Variants in BCL9 observed in about 807,000 individuals in gnomAD.
BCL9 encodes B-cell CLL/lymphoma 9 protein.
In BCL9, 25 loss-of-function variants were observed where a neutral mutation model predicts 88.5. The observed-to-expected ratio is 0.28, with a 90% CI of 0.21 to 0.39. The LOEUF is 0.39. Ranked by LOEUF, BCL9 falls within the 10% of genes least tolerant of loss-of-function variation. BCL9 has a pLI of 1.00. For missense variants in BCL9, 1,817 were observed against 1,877.8 expected (o/e 0.97, Z 0.60); for synonymous variants, 711 against 673.3 (o/e 1.06, Z -0.87).
At chr1:147,560,897 A>T (rs1158941067) in intron 1 of BCL9, among the ~76,000 whole-genome samples, 2 of 152,236 alleles carry the variant, frequency 1.3e-5, no homozygotes, top group Non-Finnish European at 2.9e-5. Context: ...CAACAGGGAC[A>T]CCTAGGTATC....
chr1:147,589,570 C>T (rs1306477206), intron 1 of BCL9, among the ~76,000 whole-genome samples: 12 of 152,194 alleles, frequency 7.9e-5, no homozygotes, highest in Non-Finnish European at 1.3e-4. Context: ...TAAATGAAAT[C>T]ATGCAATATG....
chr1:147,597,462 A>T (rs1210831613), intron 1 of BCL9, among the ~76,000 whole-genome samples: 1 of 152,210 alleles, frequency 6.6e-6, no homozygotes, highest in Non-Finnish European at 1.5e-5. Context: ...CATTTGGGTA[A>T]AAAAATGATT....
chr1:147,592,036 T>TAC (rs1293021524), intron 1 of BCL9, among the ~76,000 whole-genome samples: 2 of 152,194 alleles, frequency 1.3e-5, no homozygotes, highest in Non-Finnish European at 2.9e-5. Flanking sequence ...GCTTGACTGA[T>TAC]AAACTATAAC....
chr1:147,571,496 C>G (rs2101529788), intron 1 of BCL9, among the ~76,000 whole-genome samples: 1 of 152,250 alleles, frequency 6.6e-6, no homozygotes, highest in Non-Finnish European at 1.5e-5. Flanking sequence ...AGCAAAGCTC[C>G]TGGGTTGGGA....
At chr1:147,589,967 T>C (rs1384111206) in intron 1 of BCL9, among the ~76,000 whole-genome samples, 1 of 152,244 alleles carries the variant, frequency 6.6e-6, no homozygotes, top group Non-Finnish European at 1.5e-5. Context: ...TGCATGAAAG[T>C]GTTAGTTTCT....
At chr1:147,555,211 A>T (rs1211952105) in intron 1 of BCL9, among the ~76,000 whole-genome samples, 1 of 152,094 alleles carries the variant, frequency 6.6e-6, no homozygotes, top group African/African-American at 2.4e-5. Context: ...TAAAGAGTCA[A>T]ACTTATGCTA....
chr1:147,550,641 A>C (rs917120922), intron 1 of BCL9, among the ~76,000 whole-genome samples: 6 of 152,202 alleles, frequency 3.9e-5, no homozygotes, highest in Non-Finnish European at 8.8e-5. Context: ...GGATGAGGAT[A>C]AATAGAAGCA....
At chr1:147,587,768 G>GTGTT (rs1297214405) in intron 1 of BCL9, among the ~76,000 whole-genome samples, 1 of 125,546 alleles carries the variant, frequency 8.0e-6, no homozygotes, top group Non-Finnish European at 1.5e-5. Flanking sequence ...GTGTGTGTGT[G>GTGTT]TGTGTGTGTG....
intron 4 of BCL9, 44 bp from the exon 5 acceptor site, chr1:147,612,839 C>T (rs781869542): frequency 7.6e-6 from 12 of 1,571,968 alleles, no homozygotes; most frequent in Non-Finnish European, 1.0e-5. Context: ...TGCTGACCAG[C>T]TGTATCTGGT....
chr1:147,572,727 G>A (rs1269513270), intron 1 of BCL9, among the ~76,000 whole-genome samples: 3 of 152,156 alleles, frequency 2.0e-5, no homozygotes, highest in African/African-American at 4.8e-5. Context: ...CTACAGGTGC[G>A]TATCACCAAG....
rs972929502 is a variant in BCL9 at position 147,620,905 on chromosome 1, C to T, written c.2750C>T (p.Ser917Leu). ...CCTGTTTTGGGGTCTGCTGCTGCTTCACCTGTCCACCTCAAGTCTCCATCA... is the reference window on the plus strand; with the variant it reads ...CCTGTTTTGGGGTCTGCTGCTGCTTTACCTGTCCACCTCAAGTCTCCATCA... Reference protein sequence around the residue: ...SPPVLGSAAASPVHLKSPSLP... With the variant: ...SPPVLGSAAALPVHLKSPSLP... The change falls in exon 8 of 10, where the codon TCA (serine) becomes TTA (leucine). Residue 917 changes from serine to leucine, a missense_variant. Physicochemically the swap from Ser to Leu is moderately radical, Grantham distance 145 (BLOSUM62 -2). Around this residue, in one of 2 missense-constraint regions of BCL9, gnomAD observed 1,228 missense variants for 1,191.6 expected, o/e 1.03. Coordinates refer to ENST00000234739, the MANE Select transcript of BCL9 (RefSeq NM_004326.4). 1 of 1,614,196 alleles carries T rather than the reference C, an allele frequency of 6.2e-7. No individual in the cohort carries two copies. The highest frequency in any genetic ancestry group is 8.5e-7 in the Non-Finnish European group (1 of 1,180,022).
chr1:147,566,758 A>G (rs1004986191), intron 1 of BCL9, among the ~76,000 whole-genome samples: 1 of 300 alleles, frequency 3.3e-3, no homozygotes, highest in African/African-American at 0.014. Flanking sequence ...CGCTGTCTCA[A>G]AAAAAAAGAA....
rs183728054 is a variant in BCL9 at position 147,561,301 on chromosome 1, C to A, written c.-478+19627C>A. 9.9e-5 allele frequency among the ~76,000 whole-genome samples: 15 copies of A among 152,246 alleles called. No homozygotes were observed. In the East Asian group the frequency reaches 2.1e-3, roughly 22 times the overall value. On this transcript the variant is annotated intron_variant, in intron 1 of 9. Coordinates refer to ENST00000234739, the MANE Select transcript of BCL9 (RefSeq NM_004326.4). ...ACGGGGATTGAAGGACCATGGATAG[C>A]GGGGAGGCACAGACATGGAATCTAT...
chr1:147,602,256 G>A (rs1275532006), intron 1 of BCL9, among the ~76,000 whole-genome samples: 2 of 149,422 alleles, frequency 1.3e-5, no homozygotes, highest in Non-Finnish European at 3.0e-5. Context: ...GCCCAGGCTG[G>A]AGTGCAGTGG....
At chr1:147,602,708 A>G (rs782003380) in intron 1 of BCL9, among the ~76,000 whole-genome samples, 7 of 152,202 alleles carry the variant, frequency 4.6e-5, no homozygotes, top group Non-Finnish European at 7.3e-5. Flanking sequence ...AGATAAAAGA[A>G]CAATTTCCAT....
chr1:147,608,312 G>T (rs1008733101), intron 3 of BCL9, among the ~76,000 whole-genome samples: 2 of 145,240 alleles, frequency 1.4e-5, no homozygotes, highest in African/African-American at 5.1e-5. Flanking sequence ...TAGAATGCTA[G>T]ACCTGGGTTT....
At chr1:147,545,024 T>A (rs1475227042) in intron 1 of BCL9, among the ~76,000 whole-genome samples, 12 of 152,144 alleles carry the variant, frequency 7.9e-5, no homozygotes, top group Non-Finnish European at 1.2e-4. Context: ...TCTTTTTTTT[T>A]AAGATTAATT....
intron 1 of BCL9, among the ~76,000 whole-genome samples, chr1:147,571,285 C>T (rs1655875161): frequency 6.6e-6 from 1 of 152,128 alleles, no homozygotes; most frequent in African/African-American, 2.4e-5. Flanking sequence ...ACAATCTGGT[C>T]TCAGATCTGA....
chr1:147,565,048 C>T (rs1380604930), intron 1 of BCL9, among the ~76,000 whole-genome samples: 1 of 152,128 alleles, frequency 6.6e-6, no homozygotes, highest in Non-Finnish European at 1.5e-5. Flanking sequence ...CTCTGCAGAA[C>T]GTTCTAGTGG....
Sources: allele counts gnomAD v4.1 joint callset (sites outside exome capture counted in the v4.1 genomes callset), GRCh38; gene constraint gnomAD v4.1.1; regional missense constraint gnomAD v4.1.1; transcripts MANE v1.5; gene names NCBI Gene and HGNC (gene_info 2026-07-23, HGNC 2026-07-21).